The following C6orf132 variants were observed in gnomAD, a reference collection of about 807,000 sequenced individuals.
C6orf132 encodes the protein chromosome 6 open reading frame 132, also known as uncharacterized protein C6orf132.
A neutral mutation model predicts 65.3 loss-of-function variants in C6orf132; 43 were observed. The observed-to-expected ratio is 0.66, with a 90% CI of 0.52 to 0.85. The LOEUF (loss-of-function observed/expected upper bound fraction) is 0.85, where lower values mean the gene tolerates loss of function less well. Ranked by LOEUF, C6orf132 falls within the 40% of genes least tolerant of loss-of-function variation. The pLI is 0.00. For synonymous variants in C6orf132, 631 were observed against 654.1 expected (o/e 0.96, Z 0.54); for missense variants, 1,488 against 1,548.8 (o/e 0.96, Z 0.66).
intron 2 of C6orf132, among the ~76,000 whole-genome samples, chr6:42,110,820 A>G (rs1222041939): frequency 6.6e-6 from 1 of 152,228 alleles, no homozygotes; most frequent in Non-Finnish European, 1.5e-5. Flanking sequence ...GCATTGAGCA[A>G]CTCAAAATTT....
intron 2 of C6orf132, among the ~76,000 whole-genome samples, chr6:42,114,087 C>A (rs1462340134): frequency 6.6e-6 from 1 of 152,108 alleles, no homozygotes; most frequent in Non-Finnish European, 1.5e-5. Flanking sequence ...ACTTTATAGG[C>A]CTAAGGTAAT....
In C6orf132 at chr6:42,140,234, T is replaced by C. The variant is rs145032200; in HGVS notation, c.145+2066A>G. Reference sequence around the variant, plus strand: ...TGGACTCCAGCTCTGCCCAGGCTGATGAGGGCAGCAGCTGGCTGGAGATGA... The same window carrying C: ...TGGACTCCAGCTCTGCCCAGGCTGACGAGGGCAGCAGCTGGCTGGAGATGA... On this transcript the variant is annotated intron_variant, in intron 1 of 4. Coordinates refer to ENST00000341865, the MANE Select transcript of C6orf132 (RefSeq NM_001164446.3). Among the ~76,000 whole-genome samples, 856 of 152,370 alleles carry C rather than the reference T, an allele frequency of 5.6e-3. 6 individuals carry two copies. The highest frequency in any genetic ancestry group is 0.02 in the African/African-American group (817 of 41,586).
At chr6:42,119,066 CAAAAAAA>C (rs1160587167) in intron 2 of C6orf132, among the ~76,000 whole-genome samples, 1 of 54,782 alleles carries the variant, frequency 1.8e-5, no homozygotes, top group Non-Finnish European at 3.3e-5. Context: ...CCTGTCTCTA[CAAAAAAA>C]AAAAAAAAAA....
rs957592881 is a variant in C6orf132 at position 42,134,678 on chromosome 6, G to A, written c.146-5900C>T. 9.2e-5 allele frequency among the ~76,000 whole-genome samples: 14 copies of A among 151,612 alleles called. No individual in the cohort carries two copies. In the East Asian group the frequency reaches 2.7e-3, roughly 29 times the overall value. On this transcript the variant is annotated intron_variant, in intron 1 of 4. Coordinates refer to ENST00000341865, the MANE Select transcript of C6orf132 (RefSeq NM_001164446.3). The stretch of plus-strand genomic sequence containing the variant: ...AACCCCAGCTACTCGAGAGGCTGAG[G>A]CAGGAGAATTGCTTGAACCGGGGAG...
intron 1 of C6orf132, among the ~76,000 whole-genome samples, chr6:42,131,349 G>C (rs1182082966): frequency 1.3e-5 from 2 of 152,206 alleles, no homozygotes; most frequent in Non-Finnish European, 2.9e-5. Flanking sequence ...TCTGGGCACT[G>C]TTCTGAGCAT....
chr6:42,112,287 C>T (rs527914743), intron 2 of C6orf132, among the ~76,000 whole-genome samples: 2 of 152,336 alleles, frequency 1.3e-5, no homozygotes, highest in Non-Finnish European at 2.9e-5. Context: ...AAACCCAGGT[C>T]TGTGGAGCTC....
chr6:42,136,815 A>G (rs12201825), intron 1 of C6orf132, among the ~76,000 whole-genome samples: 12,191 of 152,024 alleles, frequency 0.08, 492 homozygotes, highest in Middle Eastern at 0.12. Flanking sequence ...ATTCGACTGG[A>G]GTGGAGGGGA....
intron 1 of C6orf132, among the ~76,000 whole-genome samples, chr6:42,140,785 A>C (rs1392983172): frequency 6.6e-6 from 1 of 152,242 alleles, no homozygotes; most frequent in Non-Finnish European, 1.5e-5. Flanking sequence ...GATTTCAATG[A>C]ATCAGTAACA....
rs371174605 is a variant in C6orf132 at position 42,106,312 on chromosome 6, C to T, written c.1600G>A (p.Gly534Ser). The T allele has an allele frequency of 1.2e-5, 19 of 1,536,662 alleles. No homozygotes were observed. Among genetic ancestry groups the T allele is most frequent in the South Asian group, 7.1e-5 (6 of 84,008 alleles). ...PPGVPEKSLG[G>S]SSLTETEAAP... ...GCCTCTGTCTCTGTCAGGCTGCTGC[C>T]GCCAAGACTCTTTTCAGGAACACCT... is the stretch of plus-strand genomic sequence containing the variant. The change falls in exon 4 of 5, where the codon GGC becomes AGC. Residue 534 changes from glycine (G) to serine (S), a missense_variant. Coordinates refer to ENST00000341865, the MANE Select transcript of C6orf132 (RefSeq NM_001164446.3).
At chr6:42,116,158 G>A (rs1038627363) in intron 2 of C6orf132, among the ~76,000 whole-genome samples, 2 of 151,712 alleles carry the variant, frequency 1.3e-5, no homozygotes, top group Non-Finnish European at 1.5e-5. Flanking sequence ...TTGAACTCCT[G>A]AGCTTGTGAT....
At chr6:42,115,330 AT>A (rs1199035755) in intron 2 of C6orf132, among the ~76,000 whole-genome samples, 1 of 150,318 alleles carries the variant, frequency 6.7e-6, no homozygotes, top group Non-Finnish European at 1.5e-5. Context: ...TATGTACTTA[AT>A]GCCACTGAAT....
At chr6:42,117,704 C>G (rs989873086) in intron 2 of C6orf132, among the ~76,000 whole-genome samples, 9 of 152,006 alleles carry the variant, frequency 5.9e-5, no homozygotes, top group Non-Finnish European at 4.4e-5. Context: ...GGTGGATCAT[C>G]TGAGGTCAAG....
intron 1 of C6orf132, among the ~76,000 whole-genome samples, chr6:42,129,450 A>G (rs757868562): frequency 6.6e-6 from 1 of 152,176 alleles, no homozygotes; most frequent in Non-Finnish European, 1.5e-5. Flanking sequence ...TCCCATCCGT[A>G]CAGTGGGAGT....
At position 42,105,139 on chromosome 6, in the gene C6orf132, C is replaced by T; in HGVS notation, c.2773G>A (p.Glu925Lys). The change falls in exon 4 of 5, where the codon GAG (glutamate) becomes AAG (lysine). Residue 925 changes from glutamate (E) to lysine (K), a missense_variant. Physicochemically the swap from Glu to Lys is moderately conservative, Grantham distance 56. Coordinates refer to ENST00000341865, the MANE Select transcript of C6orf132 (RefSeq NM_001164446.3). ...TGCCTGCGGCTCAGCTCTGTGCCCT[C>T]TGCGTCTCTTCCCAGCCGCGGCCCC... ...KWGPRLGRDAEGTELSRRHNW... is the reference protein window; with the variant it reads ...KWGPRLGRDAKGTELSRRHNW... 1.3e-6 allele frequency: 2 copies of T among 1,537,034 alleles called. No individual in the cohort carries two copies. Among genetic ancestry groups the T allele is most frequent in the Non-Finnish European group, 1.7e-6 (2 of 1,146,826 alleles).
At chr6:42,134,412 G>A (rs1443206321) in intron 1 of C6orf132, among the ~76,000 whole-genome samples, 3 of 152,174 alleles carry the variant, frequency 2.0e-5, no homozygotes, top group African/African-American at 7.2e-5. Flanking sequence ...GGGAGTGGTG[G>A]CTCACGTCTG....
intron 3 of C6orf132, among the ~76,000 whole-genome samples, chr6:42,107,903 G>C (rs918309292): frequency 6.6e-6 from 1 of 152,142 alleles, no homozygotes; most frequent in African/African-American, 2.4e-5. Context: ...TGGGGGGTGG[G>C]GACAAGAGGG....
In C6orf132 at chr6:42,103,472, G is replaced by C. The variant is rs191942509; in HGVS notation, c.*289C>G. ...CTAAAGCAGATAGTACCAGAGAGCA[G>C]AAACTCAGCGCCCAGGTCCTTAATG... On this transcript the variant is annotated 3_prime_UTR_variant, in exon 5 of 5. Coordinates refer to ENST00000341865, the MANE Select transcript of C6orf132 (RefSeq NM_001164446.3). 542 of 389,936 alleles carry C rather than the reference G, an allele frequency of 1.4e-3. 1 individual carries two copies. The highest frequency in any genetic ancestry group is 3.2e-3 in the Middle Eastern group (5 of 1,560). 24.2% of individuals were successfully genotyped at this position (389,936 alleles called of 1,614,324 possible).
At chr6:42,128,637 CAG>C in intron 2 of C6orf132, 33 bp downstream of exon 2, 1 of 1,506,462 alleles carries the variant, frequency 6.6e-7, no homozygotes, top group Non-Finnish European at 9.0e-7. Context: ...CCAGCCAGAG[CAG>C]ACTCTCCAAC....
chr6:42,107,188 G>A lies in C6orf132; in HGVS notation c.724C>T (p.Pro242Ser). The A allele has an allele frequency of 7.0e-7, 1 of 1,428,140 alleles. No homozygotes were observed. The highest frequency in any genetic ancestry group is 1.5e-5 in the South Asian group (1 of 66,468). 88.5% of individuals were successfully genotyped at this position (1,428,140 alleles called of 1,614,324 possible). A position where few individuals can be genotyped will look rare whatever the true frequency, so the allele number is the denominator to read the frequency against. ...PAPAPPAPAS[P>S]HTVGTRLFPP... ...AAGAGACGAGTCCCCACTGTGTGAG[G>A]AGATGCTGGAGCTGGGGGTGCTGGG... Residue 242 changes from proline (P) to serine (S), a missense_variant, in exon 4 of 5, where the codon CCT (proline) becomes TCT (serine). Transcript: ENST00000341865.
Sources: gnomAD v4.1 joint callset for allele counts (sites outside exome capture counted in the v4.1 genomes callset) on GRCh38, gnomAD v4.1.1 for gene constraint, MANE v1.5 for transcripts, NCBI Gene and HGNC (gene_info 2026-07-23, HGNC 2026-07-21) for gene names.